Variants in NCKAP5 observed in about 807,000 individuals in gnomAD.
NCKAP5 encodes nck-associated protein 5.
A neutral mutation model predicts 167.0 loss-of-function variants in NCKAP5; 92 were observed. The observed-to-expected ratio is 0.55, with a 90% CI of 0.47 to 0.66. NCKAP5 has a LOEUF of 0.66. Ranked by LOEUF, NCKAP5 falls within the 30% of genes least tolerant of loss-of-function variation. The probability of loss-of-function intolerance (pLI) is 0.00; values close to 1 mark genes in which losing one functional copy is unlikely to be tolerated. For missense variants in NCKAP5, 2,378 were observed against 2,315.0 expected, an observed-to-expected ratio of 1.03 and a Z score of -0.56; for synonymous variants, 891 against 877.4, an observed-to-expected ratio of 1.02 and a Z score of -0.27.
At chr2:133,602,088 G>A in the NCKAP5 span, among the ~76,000 whole-genome samples, 2 of 152,230 alleles carry the variant, frequency 1.3e-5, no homozygotes, top group Non-Finnish European at 2.9e-5. Flanking sequence ...TGAAGAAGCT[G>A]TTGTAGAATG....
the NCKAP5 span, among the ~76,000 whole-genome samples, chr2:133,660,074 G>T: frequency 2.0e-5 from 3 of 152,180 alleles, no homozygotes; most frequent in Non-Finnish European, 4.4e-5. Flanking sequence ...ACATGCTTTT[G>T]TAAGAATCCT....
intron 11 of NCKAP5, among the ~76,000 whole-genome samples, chr2:132,837,175 C>T (rs576016101): frequency 6.6e-6 from 1 of 152,254 alleles, no homozygotes; most frequent in African/African-American, 2.4e-5. Context: ...GTAGCTGTCC[C>T]CACCCTTGGG....
At chr2:132,731,712 TA>T in intron 17 of NCKAP5, 24 bp downstream of exon 17, 1 of 1,550,946 alleles carries the variant, frequency 6.4e-7, no homozygotes, top group Non-Finnish European at 8.7e-7. Flanking sequence ...AATGTCTTAT[TA>T]AGGGTGGGAA....
At chr2:133,315,389 G>T (rs1266041746) in intron 3 of NCKAP5, among the ~76,000 whole-genome samples, 2 of 152,168 alleles carry the variant, frequency 1.3e-5, no homozygotes, top group Non-Finnish European at 2.9e-5. Context: ...TGAGCAGTTG[G>T]ATAATGTGCT....
chr2:133,144,698 T>G (rs1471408176), intron 5 of NCKAP5, among the ~76,000 whole-genome samples: 1 of 152,164 alleles, frequency 6.6e-6, no homozygotes, highest in East Asian at 1.9e-4. Flanking sequence ...TATCCCTGTG[T>G]GATTACGTCT....
rs545905542 is a variant in NCKAP5, at chr2:133,502,638, C to G, written c.69+14820G>C. The stretch of plus-strand genomic sequence containing the variant: ...GTCAAAGCAGATAAAGACTCAGGAC[C>G]CAGCCCTCCCTCATGCCGTGAGCCT... On this transcript the variant is annotated intron_variant, in intron 3 of 19. Transcript: ENST00000409261. 3.9e-5 allele frequency among the ~76,000 whole-genome samples: 6 copies of G among 152,240 alleles called. No homozygotes were observed. The South Asian group carries it at 1.2e-3, about 32-fold the overall frequency.
intron 11 of NCKAP5, among the ~76,000 whole-genome samples, chr2:132,824,103 G>C (rs1456959990): frequency 6.7e-6 from 1 of 150,248 alleles, no homozygotes; most frequent in Non-Finnish European, 1.5e-5. Flanking sequence ...AATAAATAAG[G>C]AATATCTCAG....
chr2:132,711,068 A>G (rs2105319406), intron 19 of NCKAP5, among the ~76,000 whole-genome samples: 1 of 152,352 alleles, frequency 6.6e-6, no homozygotes, highest in Middle Eastern at 3.4e-3. Flanking sequence ...TGTTCTAGGC[A>G]CTAGTGACAT....
rs577886195 is a variant in NCKAP5 at position 133,424,342 on chromosome 2, G to A, written c.69+93116C>T. On this transcript the variant is annotated intron_variant, in intron 3 of 19. Coordinates refer to ENST00000409261, the MANE Select transcript of NCKAP5 (RefSeq NM_207363.3). ...GCCAACACCAGAAAAGTCCCTGGCC[G>A]ACCAAGATGGCCACCCAACTTGCTA... Among the ~76,000 whole-genome samples, 7 of 152,236 alleles carry A rather than the reference G, an allele frequency of 4.6e-5. No individual in the cohort carries two copies. The South Asian group carries it at 1.2e-3, about 27-fold the overall frequency.
chr2:132,756,300 T>C (rs1232194493), intron 16 of NCKAP5, among the ~76,000 whole-genome samples: 1 of 152,090 alleles, frequency 6.6e-6, no homozygotes, highest in African/African-American at 2.4e-5. Flanking sequence ...CCTTAGGAAA[T>C]GGGAACTTGA....
intron 19 of NCKAP5, among the ~76,000 whole-genome samples, chr2:132,703,636 G>A (rs891522036): frequency 3.3e-5 from 5 of 152,164 alleles, no homozygotes; most frequent in Non-Finnish European, 7.3e-5. Context: ...TGGTGGGAGT[G>A]CACAGAGGAG....
chr2:132,889,157 G>T (rs1297158414), intron 8 of NCKAP5, among the ~76,000 whole-genome samples: 1 of 152,134 alleles, frequency 6.6e-6, no homozygotes, highest in Non-Finnish European at 1.5e-5. Flanking sequence ...CCAGCCATGG[G>T]AGTGAAGGAG....
At chr2:132,716,661 A>C (rs1328387108) in intron 19 of NCKAP5, among the ~76,000 whole-genome samples, 2 of 152,084 alleles carry the variant, frequency 1.3e-5, no homozygotes. Flanking sequence ...CTCTTCCCTC[A>C]AAATGTCTCA....
intron 16 of NCKAP5, among the ~76,000 whole-genome samples, chr2:132,750,151 T>C (rs967566856): frequency 1.3e-5 from 2 of 152,216 alleles, no homozygotes; most frequent in Non-Finnish European, 2.9e-5. Flanking sequence ...GTATGAAAGA[T>C]GTCAAGGCTC....
chr2:132,992,226 G>A (rs1294347923), intron 7 of NCKAP5, among the ~76,000 whole-genome samples: 1 of 152,154 alleles, frequency 6.6e-6, no homozygotes, highest in East Asian at 1.9e-4. Flanking sequence ...CTCCCTACAG[G>A]GAAGAGTTCA....
the NCKAP5 span, among the ~76,000 whole-genome samples, chr2:133,597,673 C>CAAAAAAAAAAAAAAAA: frequency 3.4e-4 from 21 of 61,102 alleles, no homozygotes; most frequent in African/African-American, 7.3e-4. Context: ...GACTCTGTCT[C>CAAAAAAAAAAAAAAAA]AAAAAAAAAA....
chr2:132,932,696 A>G (rs1696483794), intron 8 of NCKAP5, among the ~76,000 whole-genome samples: 3 of 152,184 alleles, frequency 2.0e-5, no homozygotes. Context: ...AAGGGGAAAC[A>G]TACTATGATA....
intron 11 of NCKAP5, among the ~76,000 whole-genome samples, chr2:132,816,247 C>G (rs1686259986): frequency 6.6e-6 from 1 of 152,044 alleles, no homozygotes; most frequent in South Asian, 2.1e-4. Context: ...AGAGAATCAC[C>G]TCCACTGAAG....
At chr2:133,028,625 C>A (rs528272106) in intron 6 of NCKAP5, among the ~76,000 whole-genome samples, 3 of 152,190 alleles carry the variant, frequency 2.0e-5, no homozygotes, top group Non-Finnish European at 4.4e-5. Context: ...AAAGCACTTG[C>A]AATTTAGTAC....
Sources: allele counts gnomAD v4.1 joint callset (sites outside exome capture counted in the v4.1 genomes callset), GRCh38; gene constraint gnomAD v4.1.1; transcripts MANE v1.5; gene names NCBI Gene and HGNC (gene_info 2026-07-23, HGNC 2026-07-21).